The following DPP6 variants were observed in gnomAD, a reference collection of about 807,000 sequenced individuals.
DPP6 encodes the protein A-type potassium channel modulatory protein DPP6.
In DPP6, 69 loss-of-function variants were observed where a neutral mutation model predicts 122.6. The ratio of observed to expected loss-of-function variants is 0.56; its 90% CI spans 0.46 to 0.69. The LOEUF is 0.69. DPP6 is among the 30% of genes least tolerant of loss of function. DPP6 has a pLI of 0.00. For synonymous variants in DPP6, 418 were observed against 433.1 expected (o/e 0.97, Z 0.43); for missense variants, 928 against 1,116.9 (o/e 0.83, Z 2.41).
At chr7:153,885,671 T>A (rs192303457), upstream of DPP6, among the ~76,000 whole-genome samples, 2 of 152,202 alleles carry the variant, frequency 1.3e-5, no homozygotes, top group Admixed American at 1.3e-4. Flanking sequence ...GTAAGACAAA[T>A]CCCAACAGAG....
the DPP6 span, among the ~76,000 whole-genome samples, chr7:153,775,458 C>T: frequency 6.6e-6 from 1 of 151,464 alleles, no homozygotes. Flanking sequence ...ATGATGAAAA[C>T]TGAGTGGTTA....
chr7:153,873,632 C>T, the DPP6 span, among the ~76,000 whole-genome samples: 1 of 152,142 alleles, frequency 6.6e-6, no homozygotes, highest in Non-Finnish European at 1.5e-5. Flanking sequence ...GGAGGGGCTT[C>T]CTTGTGAACA....
chr7:154,591,328 G>A (rs1832798608), intron 5 of DPP6, among the ~76,000 whole-genome samples: 1 of 152,198 alleles, frequency 6.6e-6, no homozygotes, highest in African/African-American at 2.4e-5. Flanking sequence ...CATGGGTCTA[G>A]CCCTAATGAT....
At chr7:153,783,543 C>T in the DPP6 span, among the ~76,000 whole-genome samples, 1 of 152,168 alleles carries the variant, frequency 6.6e-6, no homozygotes, top group Non-Finnish European at 1.5e-5. Flanking sequence ...AATGTACATT[C>T]AGGTGTTTCT....
the DPP6 span, among the ~76,000 whole-genome samples, chr7:153,770,938 A>G: frequency 6.6e-6 from 1 of 152,218 alleles, no homozygotes; most frequent in African/African-American, 2.4e-5. Context: ...TAAAGCAAAA[A>G]TAAAAGGAAC....
At chr7:153,939,254 G>C (rs766340764) in intron 1 of DPP6, among the ~76,000 whole-genome samples, 1 of 152,182 alleles carries the variant, frequency 6.6e-6, no homozygotes, top group Non-Finnish European at 1.5e-5. Flanking sequence ...AGTGCTCAAA[G>C]TGTTCTAGAT....
the DPP6 span, among the ~76,000 whole-genome samples, chr7:153,871,230 C>T: frequency 6.6e-6 from 1 of 152,226 alleles, no homozygotes; most frequent in Non-Finnish European, 1.5e-5. Flanking sequence ...TTTTGTTTGT[C>T]TGTGCCCTGC....
intron 11 of DPP6, among the ~76,000 whole-genome samples, 191 bp from the exon 12 acceptor site, chr7:154,795,654 C>T (rs543112715): frequency 3.3e-5 from 5 of 152,142 alleles, no homozygotes; most frequent in South Asian, 2.1e-4. Context: ...GAGCCACGCA[C>T]GAGACAAAGA....
chr7:154,620,756 C>A (rs764827783), intron 5 of DPP6, among the ~76,000 whole-genome samples: 1 of 152,202 alleles, frequency 6.6e-6, no homozygotes, highest in Non-Finnish European at 1.5e-5. Context: ...TCCATACCTT[C>A]GTTTGCAGTT....
At chr7:153,760,320 T>C in the DPP6 span, among the ~76,000 whole-genome samples, 1 of 152,212 alleles carries the variant, frequency 6.6e-6, no homozygotes, top group African/African-American at 2.4e-5. Context: ...TCAGCTGTAA[T>C]AATTGTTTTA....
rs1563249221 is a variant in DPP6 at position 154,821,655 on chromosome 7, TATATATATAC to T, written c.1666+14545_1666+14554del. Among the ~76,000 whole-genome samples, 184 of 137,810 alleles carry T rather than the reference TATATATATAC, an allele frequency of 1.3e-3. No individual in the cohort carries two copies. Among genetic ancestry groups the T allele is most frequent in the African/African-American group, 4.8e-3 (167 of 34,540 alleles). 90.4% of individuals were successfully genotyped at this position (137,810 alleles called of 152,430 possible). ...ATATATATATATATATACACATATA[TATATATATAC>T]ACATATATATATACACACACATATA... is the stretch of plus-strand genomic sequence containing the variant. On this transcript the variant is annotated intron_variant, in intron 16 of 25. Transcript: ENST00000377770. This position sits in a 1 kb window ranked among gnomAD's most constrained non-coding sequence, Gnocchi z 4.2.
intron 1 of DPP6, among the ~76,000 whole-genome samples, chr7:153,935,560 AGCACAGT>A (rs1048340410): frequency 6.3e-4 from 96 of 152,318 alleles, no homozygotes; most frequent in African/African-American, 2.3e-3. Context: ...AGTGGATGGC[AGCACAGT>A]GCATGGTACA....
intron 1 of DPP6, among the ~76,000 whole-genome samples, chr7:154,217,323 G>A (rs373052325): frequency 3.3e-5 from 5 of 152,256 alleles, no homozygotes; most frequent in South Asian, 4.1e-4. Context: ...GTGGTCCTTG[G>A]AAATTTCAAG....
At position 154,625,049 on chromosome 7, in the gene DPP6, G is replaced by A. The variant is rs143089540; in HGVS notation, c.628-12772G>A. 2.3e-3 allele frequency among the ~76,000 whole-genome samples: 343 copies of A among 152,290 alleles called. 2 individuals are homozygous for A. The highest frequency in any genetic ancestry group is 7.7e-3 in the African/African-American group (322 of 41,556). On this transcript the variant is annotated intron_variant, in intron 5 of 25. Coordinates refer to ENST00000377770, the MANE Select transcript of DPP6 (RefSeq NM_130797.4). ...GTGGATAAATATACAGCAATACCAA[G>A]GGGCAGGTCAACAGCTTAAAGATTA...
the DPP6 span, among the ~76,000 whole-genome samples, chr7:153,776,063 A>G: frequency 6.6e-6 from 1 of 152,298 alleles, no homozygotes; most frequent in African/African-American, 2.4e-5. Flanking sequence ...AGATACTGAC[A>G]AGTTCATTAT....
At chr7:154,670,720 G>A (rs999697233) in intron 7 of DPP6, among the ~76,000 whole-genome samples, 14 of 152,056 alleles carry the variant, frequency 9.2e-5, no homozygotes, top group African/African-American at 2.4e-4. Context: ...AAAAATGATC[G>A]TATCTAAAAG....
At chr7:154,418,369 G>A (rs1817198363) in intron 1 of DPP6, among the ~76,000 whole-genome samples, 2 of 152,180 alleles carry the variant, frequency 1.3e-5, no homozygotes, top group African/African-American at 4.8e-5. Flanking sequence ...ATTAATCTTT[G>A]TTTCTCCTAA....
the DPP6 span, among the ~76,000 whole-genome samples, chr7:153,779,027 G>A: frequency 6.8e-6 from 1 of 147,172 alleles, no homozygotes; most frequent in Admixed American, 6.6e-5. Flanking sequence ...GATGCATGAA[G>A]CAAAATGGAT....
chr7:154,419,027 A>C (rs1817245345), intron 1 of DPP6, among the ~76,000 whole-genome samples: 1 of 152,236 alleles, frequency 6.6e-6, no homozygotes, highest in African/African-American at 2.4e-5. Flanking sequence ...ACTAATATTT[A>C]CCAAGCATTT....
Sources: allele counts gnomAD v4.1 joint callset (sites outside exome capture counted in the v4.1 genomes callset), GRCh38; gene constraint gnomAD v4.1.1; non-coding constraint Gnocchi (gnomAD v3.1); transcripts MANE v1.5; gene names NCBI Gene and HGNC (gene_info 2026-07-23, HGNC 2026-07-21).